Variants in UNC79 observed in about 807,000 individuals in gnomAD.
The protein encoded by UNC79 is unc-79 subunit of NALCN channel complex, also known as protein unc-79 homolog.
A neutral mutation model predicts 283.1 loss-of-function variants in UNC79; 37 were observed. The observed-to-expected ratio is 0.13, with a 90% confidence interval of 0.10 to 0.17. UNC79 has a LOEUF of 0.17. Among genes scored for constraint, UNC79 ranks in the 10% least tolerant of loss-of-function variants. The probability of loss-of-function intolerance (pLI) is 1.00; values close to 1 mark genes in which losing one functional copy is unlikely to be tolerated. For synonymous variants in UNC79, 1,107 were observed against 1,200.2 expected (o/e 0.92, Z 1.61); for missense variants, 2,272 against 3,211.1 (o/e 0.71, Z 7.07).
intron 14 of UNC79, among the ~76,000 whole-genome samples, chr14:93,559,446 C>CT (rs1182350191): frequency 6.6e-6 from 1 of 152,180 alleles, no homozygotes; most frequent in Non-Finnish European, 1.5e-5. Flanking sequence ...AGCACTAAAG[C>CT]TTTTTAATCA....
intron 1 of UNC79, among the ~76,000 whole-genome samples, chr14:93,407,821 T>C (rs993576395): frequency 1.3e-5 from 2 of 151,958 alleles, no homozygotes; most frequent in Non-Finnish European, 2.9e-5. Context: ...TAACATAAGA[T>C]CACAAGGAAG....
intron 11 of UNC79, among the ~76,000 whole-genome samples, chr14:93,535,309 G>A (rs1055492039): frequency 3.9e-5 from 6 of 152,160 alleles, no homozygotes; most frequent in Admixed American, 6.5e-5. Flanking sequence ...TTAGAACTTC[G>A]ATCAACTGAA....
At chr14:93,572,644 AC>A (rs1185463756) in intron 15 of UNC79, 48 bp from the exon 16 acceptor site, 1 of 1,608,788 alleles carries the variant, frequency 6.2e-7, no homozygotes, top group Admixed American at 1.7e-5. Context: ...TATTAGTAGA[AC>A]CCAATCTATG....
chr14:93,341,318 G>T (rs556561153), intron 1 of UNC79, among the ~76,000 whole-genome samples: 1 of 151,974 alleles, frequency 6.6e-6, no homozygotes, highest in Non-Finnish European at 1.5e-5. Context: ...TGAGCCAGGC[G>T]TGGTGGTACA....
At chr14:93,521,531 G>A (rs951317251) in intron 7 of UNC79, among the ~76,000 whole-genome samples, 5 of 151,818 alleles carry the variant, frequency 3.3e-5, no homozygotes, top group African/African-American at 4.8e-5. Context: ...TAGGGCCAAG[G>A]TCTGGAAGTT....
intron 47 of UNC79, among the ~76,000 whole-genome samples, chr14:93,695,006 C>T (rs1488931365): frequency 1.3e-5 from 2 of 152,264 alleles, no homozygotes; most frequent in East Asian, 3.9e-4. Context: ...GTCATCTCCC[C>T]TCCCTGGATA....
At chr14:93,423,907 A>T (rs141279437) in intron 1 of UNC79, among the ~76,000 whole-genome samples, 9 of 152,234 alleles carry the variant, frequency 5.9e-5, no homozygotes, top group Non-Finnish European at 1.0e-4. Flanking sequence ...AAAAGAAACA[A>T]TCAACATAGT....
chr14:93,437,681 T>C (rs1050617274), intron 1 of UNC79, among the ~76,000 whole-genome samples: 6 of 152,182 alleles, frequency 3.9e-5, no homozygotes, highest in African/African-American at 1.2e-4. Flanking sequence ...CTGCAGGCTC[T>C]AGGGAAAAAT....
intron 27 of UNC79, among the ~76,000 whole-genome samples, chr14:93,614,335 A>T (rs143915817): frequency 0.013 from 1,730 of 133,322 alleles, 21 homozygotes; most frequent in Middle Eastern, 0.044. Flanking sequence ...TTATTTATTT[A>T]GAGACGGAGT....
chr14:93,404,630 T>C (rs2055189934), intron 1 of UNC79, among the ~76,000 whole-genome samples: 1 of 147,212 alleles, frequency 6.8e-6, no homozygotes, highest in African/African-American at 2.5e-5. Flanking sequence ...ACAGAAAAAT[T>C]TATATTAAAA....
At chr14:93,603,195 C>T (rs760038649) in intron 25 of UNC79, 44 bp from the exon 26 acceptor site, 3 of 1,595,224 alleles carry the variant, frequency 1.9e-6, no homozygotes, top group African/African-American at 1.3e-5. Flanking sequence ...TTACAAAGCC[C>T]TGTGTAAAGG....
At chr14:93,496,269 G>A in intron 5 of UNC79, 142 bp from the exon 6 acceptor site, 2 of 522,268 alleles carry the variant, frequency 3.8e-6, no homozygotes, top group Non-Finnish European at 6.5e-6. Flanking sequence ...TTTTAAGTAT[G>A]AATATATGGA....
intron 1 of UNC79, among the ~76,000 whole-genome samples, chr14:93,348,726 T>C (rs2053920634): frequency 6.6e-6 from 1 of 152,242 alleles, no homozygotes; most frequent in African/African-American, 2.4e-5. Flanking sequence ...TACACATCTT[T>C]GAACTGTCTT....
chr14:93,605,096 G>A (rs972580702), intron 26 of UNC79, 135 bp downstream of exon 27: 6 of 845,790 alleles, frequency 7.1e-6, no homozygotes, highest in South Asian at 6.5e-5. Context: ...TACCCCAGAT[G>A]TTCAAGTGTT....
intron 6 of UNC79, among the ~76,000 whole-genome samples, chr14:93,496,774 C>T (rs1320979399): frequency 6.6e-6 from 1 of 152,162 alleles, no homozygotes; most frequent in Non-Finnish European, 1.5e-5. Flanking sequence ...AGAATGTGTC[C>T]TCTTTCAAAT....
intron 26 of UNC79, among the ~76,000 whole-genome samples, chr14:93,609,297 C>A (rs8007515): frequency 0.014 from 2,100 of 152,240 alleles, 59 homozygotes; most frequent in African/African-American, 0.049. Context: ...TTCTGAGATC[C>A]ACGAGTAGCC....
chr14:93,514,918 G>A (rs1487416529), intron 7 of UNC79, among the ~76,000 whole-genome samples: 8 of 152,150 alleles, frequency 5.3e-5, no homozygotes, highest in African/African-American at 1.2e-4. Flanking sequence ...TATTATGGTT[G>A]TAACTGGAAG....
chr14:93,386,964 C>T (rs1424018548), intron 1 of UNC79, among the ~76,000 whole-genome samples: 12 of 17,834 alleles, frequency 6.7e-4, no homozygotes, highest in Middle Eastern at 0.028. Flanking sequence ...TTTTTTGAGA[C>T]GGAGTTTTGC....
chr14:93,643,601 C>T (rs1263837378), exon 34 of UNC79: 1 of 1,613,880 alleles, frequency 6.2e-7, no homozygotes, highest in East Asian at 2.2e-5. Context: ...GATGAAGAGA[C>T]ACTTGGGCTA....
Sources: gnomAD v4.1 joint callset for allele counts (sites outside exome capture counted in the v4.1 genomes callset) on GRCh38, gnomAD v4.1.1 for gene constraint, MANE v1.5 for transcripts, NCBI Gene and HGNC (gene_info 2026-07-23, HGNC 2026-07-21) for gene names.